Variants in SCPEP1 observed in about 807,000 individuals in gnomAD.
SCPEP1 encodes retinoid-inducible serine carboxypeptidase.
SCPEP1 carries 51 observed loss-of-function variants against 63.8 expected under a neutral mutation model. That is an observed-to-expected ratio of 0.80 (90% CI 0.64 to 1.01). SCPEP1 has a LOEUF of 1.01. SCPEP1 is among the 50% of genes least tolerant of loss of function. The pLI is 0.00. For missense variants in SCPEP1, 499 were observed against 554.9 expected (o/e 0.90, Z 1.01); for synonymous variants, 204 against 207.8 (o/e 0.98, Z 0.16).
rs1911748240 is a variant in SCPEP1, at chr17:57,001,877, T to C, written c.1133-141T>C. 6 of 871,524 alleles carry C rather than the reference T, an allele frequency of 6.9e-6. No individual in the cohort carries two copies. In the East Asian group the frequency reaches 1.5e-4, roughly 22 times the overall value. 54.0% of individuals were successfully genotyped at this position (871,524 alleles called of 1,614,324 possible). A position where few individuals can be genotyped will look rare whatever the true frequency, so the allele number is the denominator to read the frequency against. ...TCAGGCCCTACCCTGATCTTCTGAA[T>C]CAGAATTTGCATTTTAACAAGATCC... is the stretch of plus-strand genomic sequence containing the variant. On this transcript the variant is annotated intron_variant, in intron 11 of 12. Transcript: ENST00000262288.
At position 56,985,394 on chromosome 17, in the gene SCPEP1, C is replaced by G; in HGVS notation, c.242C>G (p.Ser81Cys). The G allele has an allele frequency of 6.2e-7, 1 of 1,614,122 alleles. No homozygotes were observed. Among genetic ancestry groups the G allele is most frequent in the African/African-American group, 1.3e-5 (1 of 75,038 alleles). Residue 81 changes from serine (S) to cysteine (C), a missense_variant, in exon 3 of 13, where the codon TCT becomes TGT. Ser to Cys is a moderately radical substitution (Grantham distance 112). Coordinates refer to ENST00000262288, the MANE Select transcript of SCPEP1 (RefSeq NM_021626.3). ...CTTCCATAGGGCGGTCCAGGCGGTT[C>G]TAGCACTGGATTTGGAAACTTTGAG... ...VMWLQGGPGG[S>C]STGFGNFEEI...
chr17:56,981,014 T>C, intron 1 of SCPEP1, 68 bp from the exon 2 acceptor site: 1 of 1,566,142 alleles, frequency 6.4e-7, no homozygotes, highest in South Asian at 1.1e-5. Context: ...TGGCTGTCTC[T>C]ACCAGGCTTG....
chr17:56,986,185 A>G (rs576600386), intron 3 of SCPEP1, among the ~76,000 whole-genome samples: 1 of 149,524 alleles, frequency 6.7e-6, no homozygotes, highest in East Asian at 2.0e-4. Flanking sequence ...CTCCTCCTCC[A>G]GCCTCCCTCT....
chr17:56,986,116 T>A (rs1021433133), intron 3 of SCPEP1, among the ~76,000 whole-genome samples: 6 of 152,042 alleles, frequency 3.9e-5, no homozygotes, highest in Non-Finnish European at 8.8e-5. Context: ...TTCCTCTCTC[T>A]GTGCTCCCAC....
intron 6 of SCPEP1, among the ~76,000 whole-genome samples, chr17:56,992,195 T>C (rs1246072497): frequency 6.6e-6 from 1 of 152,184 alleles, no homozygotes; most frequent in Non-Finnish European, 1.5e-5. Flanking sequence ...AAGGTAATAT[T>C]TACCCCTAAA....
At position 56,979,634 on chromosome 17, in the gene SCPEP1, G is replaced by A. The variant is rs1451897634; in HGVS notation, c.76+1399G>A. On this transcript the variant is annotated intron_variant, in intron 1 of 12. Coordinates refer to ENST00000262288, the MANE Select transcript of SCPEP1 (RefSeq NM_021626.3). Reference sequence around the variant, plus strand: ...AGTTAAGTAAGGAAAATTGGAGTTAGGGGATTATAGGATACGTATATTAAA... The same window carrying A: ...AGTTAAGTAAGGAAAATTGGAGTTAAGGGATTATAGGATACGTATATTAAA... Among the ~76,000 whole-genome samples, 3 of 152,272 alleles carry A rather than the reference G, an allele frequency of 2.0e-5. No individual in the cohort carries two copies. In the East Asian group the frequency reaches 5.8e-4, roughly 29 times the overall value.
At position 56,987,693 on chromosome 17, in the gene SCPEP1, A is replaced by ATG; in HGVS notation, c.316-2_316-1insTG. ...CATTTCGTTTTCCTCCGTGGTACAT[A>ATG]GCTCCAGGCTGCCAGTCTCCTATTT... On this transcript the variant is annotated splice_acceptor_variant, in intron 3 of 12. Coordinates refer to ENST00000262288, the MANE Select transcript of SCPEP1 (RefSeq NM_021626.3). LOFTEE classifies it high-confidence loss of function. 1 of 1,612,840 alleles carries ATG rather than the reference A, an allele frequency of 6.2e-7. No homozygotes were observed. Among genetic ancestry groups the ATG allele is most frequent in the Non-Finnish European group, 8.5e-7 (1 of 1,179,578 alleles).
Position 57,002,101 on chromosome 17 carries a change from C to G in SCPEP1, c.1216C>G (p.Pro406Ala), listed in dbSNP as rs778678115. 3.7e-6 allele frequency: 6 copies of G among 1,614,182 alleles called. No homozygotes were observed. The South Asian group carries it at 6.6e-5, about 18-fold the overall frequency. ...QLKWKALYSD[P>A]KSLETSAFVK... ...GAAGTGGAAGGCCCTGTACAGTGAC[C>G]CTAAATCTTTGGAAACATCTGCTTT... Residue 406 changes from proline (P) to alanine (A), a missense_variant, in exon 12 of 13, where the codon CCT (proline) becomes GCT (alanine). Transcript: ENST00000262288.
intron 1 of SCPEP1, among the ~76,000 whole-genome samples, chr17:56,980,358 G>T (rs764931156): frequency 6.6e-6 from 1 of 152,152 alleles, no homozygotes; most frequent in Non-Finnish European, 1.5e-5. Context: ...CAAGCTATCA[G>T]CCTGTCTTGG....
chr17:57,002,086 G>T lies in SCPEP1; in HGVS notation c.1201G>T (p.Ala401Ser). Reference protein sequence around the residue: ...LPKFSQLKWKALYSDPKSLET... With the variant: ...LPKFSQLKWKSLYSDPKSLET... ...TAAATTCAGTCAGCTGAAGTGGAAGGCCCTGTACAGTGACCCTAAATCTTT... is the reference window on the plus strand; with the variant it reads ...TAAATTCAGTCAGCTGAAGTGGAAGTCCCTGTACAGTGACCCTAAATCTTT... The change falls in exon 12 of 13, where the codon GCC (alanine) becomes TCC (serine). Residue 401 changes from alanine to serine, a missense_variant. Ala to Ser is a moderately conservative substitution (Grantham distance 99). Coordinates refer to ENST00000262288, the MANE Select transcript of SCPEP1 (RefSeq NM_021626.3). 2 of 1,614,204 alleles carry T rather than the reference G, an allele frequency of 1.2e-6. No individual in the cohort carries two copies. The highest frequency in any genetic ancestry group is 1.7e-6 in the Non-Finnish European group (2 of 1,180,016).
intron 7 of SCPEP1, 67 bp downstream of exon 7, chr17:56,995,085 A>G: frequency 7.3e-7 from 1 of 1,377,480 alleles, no homozygotes; most frequent in Non-Finnish European, 1.0e-6. Context: ...CTGTGACCCC[A>G]GGAAAAGAGA....
In SCPEP1 at chr17:56,995,594, G is replaced by A. The variant is rs1392792247; in HGVS notation, c.745G>A (p.Ala249Thr). 8 of 1,613,918 alleles carry A rather than the reference G, an allele frequency of 5.0e-6. No individual in the cohort carries two copies. The highest frequency in any genetic ancestry group is 1.3e-5 in the African/African-American group (1 of 74,896). ...CGTAAATAAGGGGCTCTACAGAGAG[G>A]CCACAGAGCTGTGGGGGAAAGCAGA... Reference protein sequence around the residue: ...NAVNKGLYREATELWGKAEMI... With the variant: ...NAVNKGLYRETTELWGKAEMI... The change falls in exon 8 of 13, where the codon GCC becomes ACC. Residue 249 changes from alanine (A) to threonine (T), a missense_variant. Coordinates refer to ENST00000262288, the MANE Select transcript of SCPEP1 (RefSeq NM_021626.3).
chr17:56,987,679 C>A lies in SCPEP1; in HGVS notation c.316-16C>A. 2.5e-6 allele frequency: 4 copies of A among 1,606,890 alleles called. No homozygotes were observed. The highest frequency in any genetic ancestry group is 3.4e-6 in the Non-Finnish European group (4 of 1,177,010). Reference sequence around the variant, plus strand: ...ATGTCTGATTGCAACATTTCGTTTTCCTCCGTGGTACATAGCTCCAGGCTG... The same window carrying A: ...ATGTCTGATTGCAACATTTCGTTTTACTCCGTGGTACATAGCTCCAGGCTG... On this transcript the variant is annotated splice_polypyrimidine_tract_variant and intron_variant, in intron 3 of 12. Transcript: ENST00000262288.
At position 56,981,152 on chromosome 17, in the gene SCPEP1, C is replaced by G. The variant is rs376140010; in HGVS notation, c.147C>G (p.Ala49=). The change falls in exon 2 of 13, where the codon GCC becomes GCG. Residue 49 remains alanine (A), a synonymous_variant. Coordinates refer to ENST00000262288, the MANE Select transcript of SCPEP1 (RefSeq NM_021626.3). ...ATTATGTGACGGTCCGCAAGGATGC[C>G]TACATGTTCTGGTGGCTCTATTATG... ...VWDYVTVRKD[A]YMFWWLYYAT... The G allele has an allele frequency of 6.2e-7, 1 of 1,614,058 alleles. No individual in the cohort carries two copies. Among genetic ancestry groups the G allele is most frequent in the Non-Finnish European group, 8.5e-7 (1 of 1,180,026 alleles).
intron 2 of SCPEP1, chr17:56,982,967 T>C (rs3095493): frequency 0.17 from 25,644 of 152,030 alleles, 2,386 homozygotes; most frequent in African/African-American, 0.24. Flanking sequence ...ACTGAGGACA[T>C]GGTGCTGACT....
intron 12 of SCPEP1, among the ~76,000 whole-genome samples, chr17:57,005,085 C>T (rs1403375967): frequency 6.6e-6 from 1 of 152,214 alleles, no homozygotes; most frequent in Non-Finnish European, 1.5e-5. Context: ...TGTACTGTAA[C>T]CCCCTTGGGG....
chr17:57,005,231 A>G (rs1276743825), intron 12 of SCPEP1, among the ~76,000 whole-genome samples: 3 of 152,176 alleles, frequency 2.0e-5, no homozygotes, highest in South Asian at 2.1e-4. Context: ...GGATTTTCCA[A>G]TGAGGGATGC....
rs560189617 is a variant in SCPEP1 at position 56,981,356 on chromosome 17, G to A, written c.225+126G>A. 11 of 993,344 alleles carry A rather than the reference G, an allele frequency of 1.1e-5. No individual in the cohort carries two copies. The South Asian group carries it at 1.7e-4, about 16-fold the overall frequency. 61.5% of individuals were successfully genotyped at this position (993,344 alleles called of 1,614,324 possible). On this transcript the variant is annotated intron_variant, in intron 2 of 12. Coordinates refer to ENST00000262288, the MANE Select transcript of SCPEP1 (RefSeq NM_021626.3). ...TTTGGTCCAGCAGTGTGACCTGGGGGTTCGGCGTGCTTCTGAGGTAGGCTG... is the reference window on the plus strand; with the variant it reads ...TTTGGTCCAGCAGTGTGACCTGGGGATTCGGCGTGCTTCTGAGGTAGGCTG...
intron 6 of SCPEP1, among the ~76,000 whole-genome samples, chr17:56,992,349 T>G (rs1214974452): frequency 6.6e-6 from 1 of 152,044 alleles, no homozygotes; most frequent in Non-Finnish European, 1.5e-5. Flanking sequence ...GGGCTGCTAT[T>G]CGTTTATCTG....
Sources: gnomAD v4.1 joint callset for allele counts (sites outside exome capture counted in the v4.1 genomes callset) on GRCh38, gnomAD v4.1.1 for gene constraint, MANE v1.5 for transcripts, NCBI Gene and HGNC (gene_info 2026-07-23, HGNC 2026-07-21) for gene names.